Variants in CHST15 observed in about 807,000 individuals in gnomAD.
CHST15 encodes the protein carbohydrate sulfotransferase 15, also known as B cell RAG associated protein (GALNAC4S-6ST).
Under a neutral mutation model 53.6 loss-of-function variants are expected in CHST15, and 30 were observed. The observed-to-expected ratio is 0.56, with a 90% confidence interval of 0.42 to 0.76. The LOEUF (loss-of-function observed/expected upper bound fraction) is 0.76, where lower values mean the gene tolerates loss of function less well. Ranked by LOEUF, CHST15 falls within the 30% of genes least tolerant of loss-of-function variation. The pLI, the probability that CHST15 is intolerant of heterozygous loss-of-function variation, is 0.00. For missense variants in CHST15, 627 were observed against 740.5 expected (o/e 0.85, Z 1.78); for synonymous variants, 296 against 289.8 (o/e 1.02, Z -0.22).
intron 7 of CHST15, 82 bp from the exon 8 acceptor site, chr10:124,010,421 T>G (rs1946379786): frequency 6.9e-7 from 1 of 1,450,714 alleles, no homozygotes; most frequent in South Asian, 1.5e-5. Context: ...CCAGCTATGC[T>G]TCGTATTCAG....
chr10:124,034,565 C>T (rs1306592173), intron 5 of CHST15, among the ~76,000 whole-genome samples: 5 of 151,388 alleles, frequency 3.3e-5, no homozygotes, highest in Non-Finnish European at 7.4e-5. Context: ...TAACAGGGAC[C>T]CTGGCTTCAT....
chr10:124,077,493 C>T lies in CHST15; in HGVS notation c.-513+15976G>A, dbSNP rs567389488. On this transcript the variant is annotated intron_variant, in intron 1 of 7. Transcript: ENST00000435907. ...GGCCTTGTCTGTCAAATTTACGAGC[C>T]GAGGCTTACACTCTTTCAGCCCCTT... Among the ~76,000 whole-genome samples, 10 of 152,182 alleles carry T rather than the reference C, an allele frequency of 6.6e-5. No homozygotes were observed. The South Asian group carries it at 1.7e-3, about 25-fold the overall frequency.
intron 5 of CHST15, among the ~76,000 whole-genome samples, chr10:124,029,476 G>C (rs1383830164): frequency 2.6e-5 from 4 of 152,166 alleles, no homozygotes; most frequent in Non-Finnish European, 5.9e-5. Context: ...GCACGAGTGG[G>C]GTTCCCAGCC....
chr10:124,051,702 C>T (rs749780228), intron 1 of CHST15, among the ~76,000 whole-genome samples: 1 of 152,190 alleles, frequency 6.6e-6, no homozygotes, highest in African/African-American at 2.4e-5. Flanking sequence ...AATCAGATAA[C>T]GGGTCCCAAA....
chr10:124,081,429 G>A (rs535529172), intron 1 of CHST15, among the ~76,000 whole-genome samples: 13 of 152,130 alleles, frequency 8.5e-5, no homozygotes, highest in African/African-American at 2.2e-4. Context: ...ATCCATCCCC[G>A]GAGACTTGAT....
At chr10:124,064,697 G>A (rs999280529) in intron 1 of CHST15, among the ~76,000 whole-genome samples, 3 of 130,326 alleles carry the variant, frequency 2.3e-5, no homozygotes, top group Non-Finnish European at 4.6e-5. Context: ...CCTTTATCTC[G>A]CTGTCTCTGT....
chr10:124,019,860 C>T lies in CHST15; in HGVS notation c.1347+1396G>A. The T allele has an allele frequency of 1.0e-6, 1 of 986,006 alleles. No individual in the cohort carries two copies. Among genetic ancestry groups the T allele is most frequent in the Non-Finnish European group, 1.2e-6 (1 of 830,352 alleles). The allele number at this position is 986,006 out of a possible 1,614,324, so 61.1% of individuals were successfully genotyped here. ...CCCAAGCCCCCTGCCTCAGTGCCCC[C>T]CATCTCCCACACCAGGCGGCTGGCT... On this transcript the variant is annotated intron_variant, in intron 6 of 7. Transcript: ENST00000435907. This position sits in a 1 kb window ranked among gnomAD's most constrained non-coding sequence, Gnocchi z 4.6.
In CHST15 at chr10:124,039,305, C is replaced by T. The variant is rs146428723; in HGVS notation, c.1034-634G>A. Among the ~76,000 whole-genome samples the T allele has an allele frequency of 4.2e-3, 632 of 152,216 alleles. 4 individuals are homozygous for T. The highest frequency in any genetic ancestry group is 6.4e-3 in the Non-Finnish European group (437 of 68,016). ...GCAGAGCTGAGCCACATTTCAGAGC[C>T]GGGAGGAGCCGAGAACTGGTCTAGC... On this transcript the variant is annotated intron_variant, in intron 4 of 7. Coordinates refer to ENST00000435907, the MANE Select transcript of CHST15 (RefSeq NM_001270764.2).
At chr10:124,090,824 C>A (rs1949582084) in intron 1 of CHST15, among the ~76,000 whole-genome samples, 1 of 152,240 alleles carries the variant, frequency 6.6e-6, no homozygotes, top group Non-Finnish European at 1.5e-5. Context: ...TGTGGGCCGA[C>A]CTGCCTGCCA....
intron 6 of CHST15, chr10:124,021,048 CAGGG>C (rs1946759526): frequency 9.0e-6 from 13 of 1,439,068 alleles, no homozygotes; most frequent in Non-Finnish European, 1.2e-5. Flanking sequence ...AGGTGACCAG[CAGGG>C]AGGAAGGCAG....
At chr10:124,092,626 C>T (rs1472006643) in intron 1 of CHST15, among the ~76,000 whole-genome samples, 1 of 152,216 alleles carries the variant, frequency 6.6e-6, no homozygotes, top group Non-Finnish European at 1.5e-5. Context: ...CCTCCCCGCC[C>T]GGAACCGCCG....
At chr10:124,088,382 G>T (rs1949502784) in intron 1 of CHST15, among the ~76,000 whole-genome samples, 1 of 152,214 alleles carries the variant, frequency 6.6e-6, no homozygotes, top group African/African-American at 2.4e-5. Flanking sequence ...CATGCACCTG[G>T]CCCAGGGTTG....
intron 6 of CHST15, among the ~76,000 whole-genome samples, chr10:124,017,992 G>A (rs927035034): frequency 6.6e-6 from 1 of 152,212 alleles, no homozygotes; most frequent in Non-Finnish European, 1.5e-5. Flanking sequence ...GGCTGGGGCC[G>A]GGAACCACCA....
chr10:124,021,059 G>A (rs760012829), intron 6 of CHST15, 197 bp downstream of exon 6: 152 of 1,448,584 alleles, frequency 1.0e-4, no homozygotes, highest in Non-Finnish European at 1.3e-4. Context: ...AGGGAGGAAG[G>A]CAGGAGCCAG....
At chr10:124,011,583 C>T in intron 7 of CHST15, 1 of 985,456 alleles carries the variant, frequency 1.0e-6, no homozygotes. Context: ...GCCTGCTCAG[C>T]CTTTCAAGCC....
chr10:124,075,594 T>C (rs1243156503), intron 1 of CHST15, among the ~76,000 whole-genome samples: 2 of 152,172 alleles, frequency 1.3e-5, no homozygotes, highest in Non-Finnish European at 2.9e-5. Context: ...TCTCTCCTGA[T>C]GTATGCTGAG....
At position 124,008,124 on chromosome 10, in the gene CHST15, G is replaced by C; in HGVS notation, c.*2025C>G. The C allele has an allele frequency of 8.1e-7, 1 of 1,231,548 alleles. No individual in the cohort carries two copies. Among genetic ancestry groups the C allele is most frequent in the Non-Finnish European group, 1.0e-6 (1 of 987,888 alleles). The allele number at this position is 1,231,548 out of a possible 1,614,324, so 76.3% of individuals were successfully genotyped here. ...AATACCTTCAGTAATACTTCTGTAA[G>C]AAGCAGAATTACACCACATGTTATT... On this transcript the variant is annotated 3_prime_UTR_variant, in exon 8 of 8. Coordinates refer to ENST00000435907, the MANE Select transcript of CHST15 (RefSeq NM_001270764.2).
Position 124,008,357 on chromosome 10 carries a change from A to C in CHST15, c.*1792T>G, listed in dbSNP as rs183094187. On this transcript the variant is annotated 3_prime_UTR_variant, in exon 8 of 8. Coordinates refer to ENST00000435907, the MANE Select transcript of CHST15 (RefSeq NM_001270764.2). ...CACACGTGCGCGTACACACACACACACGCGCGCACTGTACTGCAAATAAAT... is the reference window on the plus strand; with the variant it reads ...CACACGTGCGCGTACACACACACACCCGCGCGCACTGTACTGCAAATAAAT... 267 of 1,017,500 alleles carry C rather than the reference A, an allele frequency of 2.6e-4. No homozygotes were observed. The highest frequency in any genetic ancestry group is 3.1e-4 in the Non-Finnish European group (259 of 847,364). 63.0% of individuals were successfully genotyped at this position (1,017,500 alleles called of 1,614,324 possible). A position where few individuals can be genotyped will look rare whatever the true frequency, so the allele number is the denominator to read the frequency against.
intron 5 of CHST15, among the ~76,000 whole-genome samples, chr10:124,034,252 T>C (rs1564867250): frequency 6.6e-6 from 1 of 152,194 alleles, no homozygotes; most frequent in African/African-American, 2.4e-5. Context: ...TCACATTCAG[T>C]TCCTAGGATA....
Sources: gnomAD v4.1 joint callset for allele counts (sites outside exome capture counted in the v4.1 genomes callset) on GRCh38, gnomAD v4.1.1 for gene constraint, Gnocchi (gnomAD v3.1) non-coding constraint, MANE v1.5 for transcripts, NCBI Gene and HGNC (gene_info 2026-07-23, HGNC 2026-07-21) for gene names.